The following ZNF335 variants were observed in gnomAD, a reference collection of about 807,000 sequenced individuals.
ZNF335 encodes the protein NRC-interacting factor 1.
Under a neutral mutation model 145.6 loss-of-function variants are expected in ZNF335, and 84 were observed. The ratio of observed to expected loss-of-function variants is 0.58; its 90% CI spans 0.48 to 0.69. The LOEUF is 0.69. Among genes scored for constraint, ZNF335 ranks in the 30% least tolerant of loss-of-function variants. ZNF335 has a pLI of 0.00. For missense variants in ZNF335, 1,865 were observed against 1,809.7 expected (o/e 1.03, Z -0.55); for synonymous variants, 761 against 717.0 (o/e 1.06, Z -0.98).
At chr20:45,962,014 A>C in intron 10 of ZNF335, 56 bp downstream of exon 10, 1 of 1,319,984 alleles carries the variant, frequency 7.6e-7, no homozygotes, top group East Asian at 2.3e-5. Context: ...CCGGGCCTCC[A>C]CTTCCCCACC....
In ZNF335 at chr20:45,957,629, A is replaced by C; in HGVS notation, c.2399T>G (p.Leu800Arg). 1 of 1,614,182 alleles carries C rather than the reference A, an allele frequency of 6.2e-7. No individual in the cohort carries two copies. The highest frequency in any genetic ancestry group is 1.1e-5 in the South Asian group (1 of 91,088). ...MATQTALDLL[L>R]NMSAQRELGG... ...CAGTTCCCGCTGAGCACTCATGTTC[A>C]GCAGAAGATCCAAGGCTGTCTGCGT... The change falls in exon 17 of 28, where the codon CTG (leucine) becomes CGG (arginine). Residue 800 changes from leucine (L) to arginine (R), a missense_variant. Transcript: ENST00000322927.
At chr20:45,962,916 C>T (rs567374398) in intron 9 of ZNF335, among the ~76,000 whole-genome samples, 4 of 149,376 alleles carry the variant, frequency 2.7e-5, no homozygotes, top group African/African-American at 9.9e-5. Flanking sequence ...CGGGTTCAAG[C>T]GATTCTCCTG....
rs1392254627 is a variant in ZNF335, at chr20:45,959,187, T to C, written c.2253+14A>G. On this transcript the variant is annotated intron_variant, in intron 15 of 27. Coordinates refer to ENST00000322927, the MANE Select transcript of ZNF335 (RefSeq NM_022095.4). ...GGCCTCACTCTGTCATCCTGACCCA[T>C]GCCCCGACCTTACCTCAGGAGGTCC... 1 of 1,357,698 alleles carries C rather than the reference T, an allele frequency of 7.4e-7. No individual in the cohort carries two copies. The highest frequency in any genetic ancestry group is 9.6e-7 in the Non-Finnish European group (1 of 1,042,196). The allele number at this position is 1,357,698 out of a possible 1,614,324, so 84.1% of individuals were successfully genotyped here.
Position 45,971,475 on chromosome 20 carries a change from G to A in ZNF335, c.-50-15C>T. ...GGAACTTCACTCTGAGAAGAGAGGT[G>A]ACCGTGGCTGGAACAAGTGGGCCAT... On this transcript the variant is annotated splice_polypyrimidine_tract_variant and intron_variant, in intron 1 of 27. Coordinates refer to ENST00000322927, the MANE Select transcript of ZNF335 (RefSeq NM_022095.4). 6.4e-7 allele frequency: 1 copy of A among 1,573,162 alleles called. No individual in the cohort carries two copies. The highest frequency in any genetic ancestry group is 8.6e-7 in the Non-Finnish European group (1 of 1,166,004).
intron 9 of ZNF335, 90 bp downstream of exon 9, chr20:45,963,383 T>A: frequency 6.9e-7 from 1 of 1,445,560 alleles, no homozygotes. Flanking sequence ...CAGAATGCTC[T>A]GTGACTCCAT....
At position 45,962,195 on chromosome 20, in the gene ZNF335, C is replaced by A. The variant is rs199778566; in HGVS notation, c.1534-13G>T. On this transcript the variant is annotated splice_polypyrimidine_tract_variant and intron_variant, in intron 9 of 27. Coordinates refer to ENST00000322927, the MANE Select transcript of ZNF335 (RefSeq NM_022095.4). The stretch of plus-strand genomic sequence containing the variant: ...TGAACATGTGCTCCTGGGAGACAGA[C>A]AAAAGGATGGTGGGCTGGGGCTTGG... 7.5e-5 allele frequency: 120 copies of A among 1,610,508 alleles called. No individual in the cohort carries two copies. The highest frequency in any genetic ancestry group is 8.8e-5 in the Non-Finnish European group (103 of 1,176,898).
chr20:45,950,056 G>C lies in ZNF335; in HGVS notation c.3501C>G (p.Ser1167=). Reference sequence around the variant, plus strand: ...GCTCTGGGCCCAGGACCCCGTGACTGGACTGGAGTGCAGCTGGGCAGAGAG... The same window carrying C: ...GCTCTGGGCCCAGGACCCCGTGACTCGACTGGAGTGCAGCTGGGCAGAGAG... ...TLATLHTALQ[S]SHGVLGPERL... Residue 1167 remains serine (S), a synonymous_variant, in exon 23 of 28, where the codon TCC becomes TCG. Transcript: ENST00000322927. The C allele has an allele frequency of 6.2e-7, 1 of 1,613,794 alleles. No individual in the cohort carries two copies. Among genetic ancestry groups the C allele is most frequent in the Middle Eastern group, 1.6e-4 (1 of 6,062 alleles).
Position 45,963,483 on chromosome 20 carries a change from G to A in ZNF335, c.1523C>T (p.Ser508Phe). The stretch of plus-strand genomic sequence containing the variant: ...CTTTGGCTCCCGCACCTTGAGCGAG[G>A]ACCAGCGGCGGGAACGATAGCTGCA... ...LQCSYRSRRWSSLKEHMFNHV... is the reference protein window; with the variant it reads ...LQCSYRSRRWFSLKEHMFNHV... The change falls in exon 9 of 28, where the codon TCC becomes TTC. Residue 508 changes from serine to phenylalanine, a missense_variant. By Grantham distance (155) the Ser-to-Phe change is radical. Transcript: ENST00000322927. 2 of 1,612,412 alleles carry A rather than the reference G, an allele frequency of 1.2e-6. No homozygotes were observed. Among genetic ancestry groups the A allele is most frequent in the Non-Finnish European group, 1.7e-6 (2 of 1,178,600 alleles).
In ZNF335 at chr20:45,967,567, G is replaced by C. The variant is rs1228175341; in HGVS notation, c.882C>G (p.Ser294Arg). Reference sequence around the variant, plus strand: ...CCTCCTCTGGTCCCTCTTCCTCTTGGCTCTTGGTGGAGGTGCTCCACTTCC... The same window carrying C: ...CCTCCTCTGGTCCCTCTTCCTCTTGCCTCTTGGTGGAGGTGCTCCACTTCC... Reference protein sequence around the residue: ...RLRKWSTSTKSQEEEGPEEED... With the variant: ...RLRKWSTSTKRQEEEGPEEED... Residue 294 changes from serine to arginine, a missense_variant, in exon 6 of 28, where the codon AGC becomes AGG. Transcript: ENST00000322927. 6.2e-7 allele frequency: 1 copy of C among 1,613,902 alleles called. No homozygotes were observed. Among genetic ancestry groups the C allele is most frequent in the Admixed American group, 1.7e-5 (1 of 59,976 alleles).
At chr20:45,959,639 G>T (rs1388045946) in intron 14 of ZNF335, among the ~76,000 whole-genome samples, 2 of 152,182 alleles carry the variant, frequency 1.3e-5, no homozygotes, top group Admixed American at 1.3e-4. Context: ...GAGCCTTCCT[G>T]TGCCTACCTA....
intron 11 of ZNF335, 46 bp downstream of exon 11, chr20:45,960,818 C>T (rs368756401): frequency 3.7e-5 from 59 of 1,613,786 alleles, no homozygotes; most frequent in Admixed American, 3.0e-4. Flanking sequence ...CCCCCATAAA[C>T]AACCCCCGGG....
At chr20:45,953,273 T>A (rs985556487) in intron 18 of ZNF335, among the ~76,000 whole-genome samples, 12 of 152,076 alleles carry the variant, frequency 7.9e-5, no homozygotes, top group Non-Finnish European at 1.2e-4. Flanking sequence ...TCAATGCTGG[T>A]AAAGAGGCCT....
intron 2 of ZNF335, 166 bp from the exon 3 acceptor site, chr20:45,969,857 TCA>T (rs985571972): frequency 3.0e-5 from 25 of 825,466 alleles, no homozygotes; most frequent in African/African-American, 5.1e-5. Context: ...GGCCCTCCAG[TCA>T]CAGAGTCCCC....
In ZNF335 at chr20:45,960,695, C is replaced by A; in HGVS notation, c.1703G>T (p.Gly568Val). ...TCTTTTCTGCATGGGGTACACACGG[C>A]CACACACAGGGCAGGGGAAAGAGCT... ...KLSSFPCPVCGRVYPMQKRLT... is the reference protein window; with the variant it reads ...KLSSFPCPVCVRVYPMQKRLT... Residue 568 changes from glycine (G) to valine (V), a missense_variant, in exon 12 of 28, where the codon GGC (glycine) becomes GTC (valine). By Grantham distance (109) the Gly-to-Val change is moderately radical. Transcript: ENST00000322927. 6.2e-7 allele frequency: 1 copy of A among 1,614,068 alleles called. No homozygotes were observed. The highest frequency in any genetic ancestry group is 2.2e-5 in the East Asian group (1 of 44,880).
chr20:45,950,326 C>G lies in ZNF335; in HGVS notation c.3380G>C (p.Ser1127Thr). 1 of 1,579,964 alleles carries G rather than the reference C, an allele frequency of 6.3e-7. No individual in the cohort carries two copies. The highest frequency in any genetic ancestry group is 8.6e-7 in the Non-Finnish European group (1 of 1,160,878). The change falls in exon 22 of 28, where the codon AGT (serine) becomes ACT (threonine). Residue 1127 changes from serine (S) to threonine (T), a missense_variant. Physicochemically the swap from Ser to Thr is moderately conservative, Grantham distance 58 (BLOSUM62 1). Transcript: ENST00000322927. ...HLKFHIQRLHSPDGRKSGTPT... is the reference protein window; with the variant it reads ...HLKFHIQRLHTPDGRKSGTPT... ...GGTTCCTGACTTCCTCCCATCAGGA[C>G]TGTGCAGCCGCTGGATGTGGAACTT...
intron 1 of ZNF335, chr20:45,971,743 C>T (rs988471670): frequency 1.0e-6 from 1 of 985,354 alleles, no homozygotes; most frequent in Non-Finnish European, 1.2e-6. Context: ...CTCTGTGAGC[C>T]CCATCCGGGC....
rs2145361002 is a variant in ZNF335 at position 45,952,625 on chromosome 20, A to G, written c.2787T>C (p.Thr929=). The change falls in exon 19 of 28, where the codon ACT becomes ACC. Residue 929 remains threonine, a synonymous_variant. Coordinates refer to ENST00000322927, the MANE Select transcript of ZNF335 (RefSeq NM_022095.4). ...CAATGTGGTGCAACTGGGTACCATC[A>G]GTAGCCATGATGTAGTGGGTGCCAG... ...KEAGTHYIMA[T]DGTQLHHIEL... is the part of the protein sequence containing the mutation. 1.2e-6 allele frequency: 2 copies of G among 1,613,992 alleles called. No homozygotes were observed.
chr20:45,964,710 C>T (rs2083916993), intron 7 of ZNF335, among the ~76,000 whole-genome samples: 1 of 152,050 alleles, frequency 6.6e-6, no homozygotes, highest in Non-Finnish European at 1.5e-5. Flanking sequence ...ACATATGTGC[C>T]TCGGTAAAAA....
chr20:45,949,594 C>T (rs1488943540), intron 24 of ZNF335, 26 bp from the exon 25 acceptor site: 15 of 1,593,810 alleles, frequency 9.4e-6, no homozygotes, highest in Non-Finnish European at 1.1e-5. Context: ...GCGGGCATGG[C>T]GAGGCAGGTG....
Sources: gnomAD v4.1 joint callset for allele counts (sites outside exome capture counted in the v4.1 genomes callset) on GRCh38, gnomAD v4.1.1 for gene constraint, MANE v1.5 for transcripts, NCBI Gene and HGNC (gene_info 2026-07-23, HGNC 2026-07-21) for gene names.